The following TAFA5 variants were observed in gnomAD, a reference collection of about 807,000 sequenced individuals.
TAFA5 encodes TAFA chemokine like family member 5, also known as chemokine-like protein TAFA-5.
TAFA5 carries 6 observed loss-of-function variants against 15.3 expected under a neutral mutation model. The ratio of observed to expected loss-of-function variants is 0.39; its 90% CI spans 0.21 to 0.77. The LOEUF is 0.77. Ranked by LOEUF, TAFA5 falls within the 30% of genes least tolerant of loss-of-function variation. TAFA5 has a pLI of 0.41. For missense variants in TAFA5, 161 were observed against 193.1 expected, an observed-to-expected ratio of 0.83 and a Z score of 0.98; for synonymous variants, 103 against 80.7, an observed-to-expected ratio of 1.28 and a Z score of -1.48.
chr22:48,668,868 C>T (rs1306736141), intron 2 of TAFA5, among the ~76,000 whole-genome samples: 1 of 152,202 alleles, frequency 6.6e-6, no homozygotes, highest in Non-Finnish European at 1.5e-5. Flanking sequence ...GGGGTCTCAG[C>T]GTCAGCTCTG....
intron 3 of TAFA5, among the ~76,000 whole-genome samples, chr22:48,733,776 G>A (rs9628475): frequency 0.06 from 9,123 of 152,076 alleles, 775 homozygotes; most frequent in African/African-American, 0.19. Flanking sequence ...GTGTTCATTC[G>A]CACATTGTCT....
chr22:48,578,247 T>C (rs749336808), intron 1 of TAFA5, among the ~76,000 whole-genome samples: 3 of 152,230 alleles, frequency 2.0e-5, no homozygotes, highest in Non-Finnish European at 4.4e-5. Context: ...GAAGTTCCAC[T>C]GACTTTGAAG....
intron 2 of TAFA5, among the ~76,000 whole-genome samples, chr22:48,694,846 C>T (rs1156592066): frequency 7.3e-6 from 1 of 137,150 alleles, no homozygotes. Context: ...CCCCACCCCC[C>T]GCCGCTCCAG....
chr22:48,668,862 T>A (rs939955439), intron 2 of TAFA5, among the ~76,000 whole-genome samples: 5 of 152,012 alleles, frequency 3.3e-5, no homozygotes, highest in African/African-American at 1.2e-4. Flanking sequence ...CTGCGGGGGG[T>A]CTCAGCGTCA....
intron 3 of TAFA5, among the ~76,000 whole-genome samples, chr22:48,723,084 C>G (rs904390668): frequency 2.0e-5 from 3 of 152,188 alleles, no homozygotes; most frequent in African/African-American, 7.2e-5. Flanking sequence ...CCCATCATGA[C>G]AGACCGGTCC....
intron 3 of TAFA5, among the ~76,000 whole-genome samples, chr22:48,746,751 G>A (rs1930339664): frequency 6.6e-6 from 1 of 152,200 alleles, no homozygotes; most frequent in African/African-American, 2.4e-5. Flanking sequence ...CTTGTTACAG[G>A]ACAGAAGCCG....
chr22:48,649,736 G>A (rs1036738310), intron 2 of TAFA5, among the ~76,000 whole-genome samples: 1 of 152,120 alleles, frequency 6.6e-6, no homozygotes, highest in African/African-American at 2.4e-5. Flanking sequence ...TGGCCGGGGC[G>A]CCTTCTCGGG....
intron 3 of TAFA5, among the ~76,000 whole-genome samples, chr22:48,721,188 C>T (rs1157897276): frequency 2.0e-5 from 3 of 152,220 alleles, no homozygotes; most frequent in Admixed American, 6.5e-5. Context: ...GATAGAGTCC[C>T]GCCTTAGACA....
At chr22:48,650,755 C>A (rs993689889) in intron 2 of TAFA5, among the ~76,000 whole-genome samples, 2 of 152,208 alleles carry the variant, frequency 1.3e-5, no homozygotes, top group African/African-American at 4.8e-5. Context: ...AAACCAGCCA[C>A]GCACTGTGGC....
chr22:48,598,282 C>G lies in TAFA5; in HGVS notation c.113-48315C>G, dbSNP rs1924843073. 6.6e-6 allele frequency among the ~76,000 whole-genome samples: 1 copy of G among 152,232 alleles called. No homozygotes were observed. The highest frequency in any genetic ancestry group is 2.4e-5 in the African/African-American group (1 of 41,456). ...CAAAATCACCGATTCAGGCGTTACT[C>G]TCATCCAAAACACTCCTTCACAGAA... is the stretch of plus-strand genomic sequence containing the variant. On this transcript the variant is annotated intron_variant, in intron 1 of 3. Transcript: ENST00000402357. This position sits in a 1 kb window ranked among gnomAD's most constrained non-coding sequence, Gnocchi z 4.0.
intron 3 of TAFA5, among the ~76,000 whole-genome samples, chr22:48,745,744 G>C (rs1306190951): frequency 6.6e-6 from 1 of 152,196 alleles, no homozygotes; most frequent in African/African-American, 2.4e-5. Flanking sequence ...TACTTGGAGG[G>C]GGCCCGGGAG....
At chr22:48,525,694 G>A (rs1921757275) in intron 1 of TAFA5, among the ~76,000 whole-genome samples, 1 of 152,192 alleles carries the variant, frequency 6.6e-6, no homozygotes, top group Non-Finnish European at 1.5e-5. Flanking sequence ...AGAAGCTGCT[G>A]CTGCTGCTGG....
chr22:48,491,172 C>T (rs1465919324), intron 1 of TAFA5, among the ~76,000 whole-genome samples: 1 of 152,134 alleles, frequency 6.6e-6, no homozygotes, highest in Non-Finnish European at 1.5e-5. Context: ...CTGCAGGGAG[C>T]AGGGTCTGGG....
intron 1 of TAFA5, among the ~76,000 whole-genome samples, chr22:48,558,921 C>A (rs1923132296): frequency 6.6e-6 from 1 of 152,248 alleles, no homozygotes; most frequent in Non-Finnish European, 1.5e-5. Flanking sequence ...GCGGGAAATT[C>A]ACAATAAGCA....
intron 1 of TAFA5, among the ~76,000 whole-genome samples, chr22:48,606,624 C>A (rs942850681): frequency 1.3e-5 from 2 of 152,234 alleles, no homozygotes; most frequent in African/African-American, 4.8e-5. Flanking sequence ...TGTTTACTTT[C>A]ATATGCAAAA....
At chr22:48,628,288 G>A (rs1276824393) in intron 1 of TAFA5, among the ~76,000 whole-genome samples, 1 of 152,230 alleles carries the variant, frequency 6.6e-6, no homozygotes, top group Non-Finnish European at 1.5e-5. Context: ...GACCCAGCTT[G>A]TGGGGGTGTC....
chr22:48,526,233 C>T (rs766997117), intron 1 of TAFA5, among the ~76,000 whole-genome samples: 6 of 152,232 alleles, frequency 3.9e-5, no homozygotes, highest in East Asian at 3.9e-4. Flanking sequence ...TGCCCTCCTC[C>T]GTCTGTGTGT....
chr22:48,735,322 G>T (rs369776328), intron 3 of TAFA5, among the ~76,000 whole-genome samples: 1 of 152,204 alleles, frequency 6.6e-6, no homozygotes, highest in Non-Finnish European at 1.5e-5. Flanking sequence ...AGATCACAGC[G>T]TGGGGAGCAG....
intron 2 of TAFA5, among the ~76,000 whole-genome samples, chr22:48,676,406 G>A (rs1927972334): frequency 6.6e-6 from 1 of 152,244 alleles, no homozygotes; most frequent in Non-Finnish European, 1.5e-5. Context: ...GGCAAGCAAA[G>A]GAGGCATTGG....
Sources: allele counts gnomAD v4.1 joint callset (sites outside exome capture counted in the v4.1 genomes callset), GRCh38; gene constraint gnomAD v4.1.1; non-coding constraint Gnocchi (gnomAD v3.1); transcripts MANE v1.5; gene names NCBI Gene and HGNC (gene_info 2026-07-23, HGNC 2026-07-21).